ARHGAP15: variants seen among roughly 807,000 people sequenced by gnomAD.
ARHGAP15 encodes rho GTPase-activating protein 15.
Under a neutral mutation model 63.7 loss-of-function variants are expected in ARHGAP15, and 51 were observed. That is an observed-to-expected ratio of 0.80 (90% CI 0.64 to 1.01). The LOEUF is 1.01. Ranked by LOEUF, ARHGAP15 falls within the 50% of genes least tolerant of loss-of-function variation. The pLI, the probability that ARHGAP15 is intolerant of heterozygous loss-of-function variation, is 0.00. For missense variants in ARHGAP15, 560 were observed against 564.6 expected (o/e 0.99, Z 0.08); for synonymous variants, 191 against 193.8 (o/e 0.99, Z 0.12).
In ARHGAP15 at chr2:143,241,643, C is replaced by T. The variant is rs541724169; in HGVS notation, c.385-8868C>T. Among the ~76,000 whole-genome samples, 11 of 152,308 alleles carry T rather than the reference C, an allele frequency of 7.2e-5. No individual in the cohort carries two copies. In the South Asian group the frequency reaches 1.9e-3, roughly 26 times the overall value. On this transcript the variant is annotated intron_variant, in intron 5 of 13. Coordinates refer to ENST00000295095, the MANE Select transcript of ARHGAP15 (RefSeq NM_018460.4). Reference sequence around the variant, plus strand: ...GGCTGGGAATAAAGTCTTCAGCTGGCAAGCTGCTTCCCAATGACAACACAA... The same window carrying T: ...GGCTGGGAATAAAGTCTTCAGCTGGTAAGCTGCTTCCCAATGACAACACAA...
chr2:143,435,755 T>C (rs1689586862), intron 7 of ARHGAP15, 56 bp downstream of exon 7: 1 of 1,530,896 alleles, frequency 6.5e-7, no homozygotes, highest in Non-Finnish European at 8.9e-7. Context: ...CATTTAAATC[T>C]TATTGCTCAG....
At chr2:143,461,814 G>A (rs1321379526) in intron 8 of ARHGAP15, among the ~76,000 whole-genome samples, 1 of 152,070 alleles carries the variant, frequency 6.6e-6, no homozygotes, top group Non-Finnish European at 1.5e-5. Flanking sequence ...TTTTCTGCAT[G>A]GTACCTTAAA....
chr2:143,563,556 G>A (rs1011044365), intron 11 of ARHGAP15, among the ~76,000 whole-genome samples: 7 of 152,222 alleles, frequency 4.6e-5, no homozygotes, highest in African/African-American at 1.2e-4. Flanking sequence ...GAGAAGGGGA[G>A]CGAAGTCTAC....
intron 13 of ARHGAP15, among the ~76,000 whole-genome samples, chr2:143,765,148 G>GT (rs1559166659): frequency 1.6e-5 from 2 of 127,572 alleles, no homozygotes; most frequent in Non-Finnish European, 1.6e-5. Context: ...TGTGTGTGTG[G>GT]TAAAATTAAT....
intron 7 of ARHGAP15, 21 bp downstream of exon 7, chr2:143,435,720 T>C: frequency 6.3e-7 from 1 of 1,596,142 alleles, no homozygotes; most frequent in Non-Finnish European, 8.5e-7. Flanking sequence ...GTTTTGGCTG[T>C]TACCTTTATT....
At chr2:143,428,684 C>A (rs899433210) in intron 6 of ARHGAP15, among the ~76,000 whole-genome samples, 1 of 152,008 alleles carries the variant, frequency 6.6e-6, no homozygotes, top group African/African-American at 2.4e-5. Flanking sequence ...TAGAAAGAGA[C>A]AACAAGTCAG....
At chr2:143,748,683 G>A (rs1355493182) in intron 13 of ARHGAP15, among the ~76,000 whole-genome samples, 2 of 152,120 alleles carry the variant, frequency 1.3e-5, no homozygotes, top group Non-Finnish European at 2.9e-5. Flanking sequence ...CATAGTTAAG[G>A]TAAAGTGTAT....
At chr2:143,441,778 A>G (rs1689894715) in intron 8 of ARHGAP15, among the ~76,000 whole-genome samples, 1 of 152,144 alleles carries the variant, frequency 6.6e-6, no homozygotes, top group South Asian at 2.1e-4. Flanking sequence ...AAGGTAAGAG[A>G]GCTAAAAGGA....
chr2:143,165,966 G>GAAAGAAAGAAAGAAAGAAAGAA (rs1690491348), intron 2 of ARHGAP15, among the ~76,000 whole-genome samples: 1 of 110,892 alleles, frequency 9.0e-6, no homozygotes, highest in Non-Finnish European at 1.9e-5. Flanking sequence ...AAGAGAGAAA[G>GAAAGAAAGAAAGAAAGAAAGAA]AAAGAAAGAA....
intron 1 of ARHGAP15, among the ~76,000 whole-genome samples, chr2:143,145,975 T>G (rs1257968590): frequency 6.6e-6 from 1 of 151,430 alleles, no homozygotes; most frequent in East Asian, 1.9e-4. Context: ...TGAATCATAG[T>G]TCTAAAAATA....
At chr2:143,435,964 TA>T (rs1214835568) in intron 7 of ARHGAP15, among the ~76,000 whole-genome samples, 2 of 151,936 alleles carry the variant, frequency 1.3e-5, no homozygotes, top group African/African-American at 4.8e-5. Context: ...CTGGAGGCTG[TA>T]AAAAGCACAC....
At chr2:143,533,923 C>A (rs1694632125) in intron 10 of ARHGAP15, among the ~76,000 whole-genome samples, 3 of 152,160 alleles carry the variant, frequency 2.0e-5, no homozygotes, top group African/African-American at 4.8e-5. Context: ...CCAGCTGAGG[C>A]CAATAAGCCT....
intron 8 of ARHGAP15, among the ~76,000 whole-genome samples, chr2:143,446,054 GA>G (rs947390439): frequency 1.3e-5 from 2 of 151,490 alleles, no homozygotes; most frequent in Non-Finnish European, 2.9e-5. Flanking sequence ...CAGAAAATTT[GA>G]GTACAGTTCT....
rs1005445907 is a variant in ARHGAP15 at position 143,246,432 on chromosome 2, T to C, written c.385-4079T>C. ...CATGAAGTCAGAACAAACCATTTCG[T>C]GGGGTGGACTCATAAGGGTTGAAGC... On this transcript the variant is annotated intron_variant, in intron 5 of 13. Transcript: ENST00000295095. Among the ~76,000 whole-genome samples the C allele has an allele frequency of 2.0e-5, 3 of 151,568 alleles. No homozygotes were observed. In the East Asian group the frequency reaches 5.9e-4, roughly 30 times the overall value.
chr2:143,522,403 G>T (rs973329527), intron 10 of ARHGAP15, among the ~76,000 whole-genome samples: 1 of 152,062 alleles, frequency 6.6e-6, no homozygotes, highest in Non-Finnish European at 1.5e-5. Flanking sequence ...CTTTATAGTC[G>T]TAGAGCATGT....
chr2:143,379,537 G>GT (rs1553471660), intron 6 of ARHGAP15, among the ~76,000 whole-genome samples: 2 of 149,746 alleles, frequency 1.3e-5, no homozygotes, highest in African/African-American at 2.5e-5. Flanking sequence ...GTGTGTATGA[G>GT]AGAGAGAGAA....
intron 13 of ARHGAP15, among the ~76,000 whole-genome samples, chr2:143,765,423 A>C (rs866871131): frequency 2.0e-5 from 3 of 152,196 alleles, no homozygotes; most frequent in Non-Finnish European, 4.4e-5. Flanking sequence ...CTTATGTTCC[A>C]AAAGAAACTT....
chr2:143,150,821 G>T (rs562823887), intron 1 of ARHGAP15, among the ~76,000 whole-genome samples: 28 of 151,874 alleles, frequency 1.8e-4, no homozygotes, highest in Non-Finnish European at 3.8e-4. Flanking sequence ...GACATGAGTG[G>T]GTAACGTGTT....
At chr2:143,529,513 T>C (rs1694431879) in intron 10 of ARHGAP15, among the ~76,000 whole-genome samples, 2 of 152,126 alleles carry the variant, frequency 1.3e-5, no homozygotes, top group African/African-American at 4.8e-5. Flanking sequence ...AATGATTCAT[T>C]GATCTCATAA....
Sources: allele counts gnomAD v4.1 joint callset (sites outside exome capture counted in the v4.1 genomes callset), GRCh38; gene constraint gnomAD v4.1.1; transcripts MANE v1.5; gene names NCBI Gene and HGNC (gene_info 2026-07-23, HGNC 2026-07-21).